EML1: variants seen among roughly 807,000 people sequenced by gnomAD.
EML1 encodes the protein echinoderm microtubule-associated protein-like 1.
Under a neutral mutation model 110.4 loss-of-function variants are expected in EML1, and 27 were observed. The observed-to-expected ratio is 0.24, with a 90% confidence interval of 0.18 to 0.34. The LOEUF is 0.34. Among genes scored for constraint, EML1 ranks in the 10% least tolerant of loss-of-function variants. EML1 has a pLI of 1.00. For synonymous variants in EML1, 344 were observed against 385.8 expected, an observed-to-expected ratio of 0.89 and a Z score of 1.27; for missense variants, 741 against 1,030.9, an observed-to-expected ratio of 0.72 and a Z score of 3.85.
At chr14:99,907,551 A>G (rs1566930805) in intron 9 of EML1, 87 bp from the exon 10 acceptor site, 2 of 1,199,526 alleles carry the variant, frequency 1.7e-6, no homozygotes, top group Non-Finnish European at 1.2e-6. Flanking sequence ...ACTCTTTATT[A>G]AAAATGAAAT....
At position 99,827,486 on chromosome 14, in the gene EML1, A is replaced by T. The variant is rs2058380126; in HGVS notation, c.68-23367A>T. ...TATAAATACCCTCTGTTATGGGCTT[A>T]CTTGTGTTACCCCAAATTCATGTGT... On this transcript the variant is annotated intron_variant, in intron 1 of 21. Coordinates refer to ENST00000262233, the MANE Select transcript of EML1 (RefSeq NM_004434.3). The surrounding 1 kb of genome is among the most constrained non-coding windows in gnomAD (Gnocchi z 4.4). 6.6e-6 allele frequency among the ~76,000 whole-genome samples: 1 copy of T among 152,174 alleles called. No individual in the cohort carries two copies. The highest frequency in any genetic ancestry group is 6.5e-5 in the Admixed American group (1 of 15,286).
intron 1 of EML1, among the ~76,000 whole-genome samples, chr14:99,828,898 C>T (rs1031665887): frequency 2.8e-4 from 43 of 152,128 alleles, no homozygotes; most frequent in African/African-American, 1.0e-3. Flanking sequence ...TCATCCTCGT[C>T]GTCTTCACGT....
chr14:99,751,466 G>A (rs970378632), intron 1 of EML1, among the ~76,000 whole-genome samples: 13 of 152,160 alleles, frequency 8.5e-5, no homozygotes, highest in South Asian at 2.1e-4. Context: ...TATGATTCCC[G>A]TCCTTGGGGG....
chr14:99,887,421 T>G (rs907292361), intron 4 of EML1, among the ~76,000 whole-genome samples: 8 of 152,124 alleles, frequency 5.3e-5, no homozygotes, highest in African/African-American at 1.9e-4. Flanking sequence ...GTCATGGGCT[T>G]CAGGGGCAGG....
chr14:99,923,134 G>T (rs1179383883), intron 17 of EML1, among the ~76,000 whole-genome samples: 1 of 152,066 alleles, frequency 6.6e-6, no homozygotes, highest in African/African-American at 2.4e-5. Context: ...TAGAGACAGG[G>T]TTTCGCCATG....
intron 1 of EML1, among the ~76,000 whole-genome samples, chr14:99,850,488 A>T (rs1297697164): frequency 6.6e-6 from 1 of 152,160 alleles, no homozygotes; most frequent in African/African-American, 2.4e-5. Flanking sequence ...GACCATGCAG[A>T]CTGGGTTTCT....
intron 2 of EML1, among the ~76,000 whole-genome samples, chr14:99,859,435 G>A (rs756676285): frequency 6.6e-6 from 1 of 152,164 alleles, no homozygotes; most frequent in Non-Finnish European, 1.5e-5. Flanking sequence ...CTCAAATGTT[G>A]CTTTACAGAA....
intron 9 of EML1, among the ~76,000 whole-genome samples, chr14:99,904,753 A>G (rs1452678721): frequency 6.6e-6 from 1 of 152,210 alleles, no homozygotes; most frequent in Non-Finnish European, 1.5e-5. Context: ...CACACGAAAC[A>G]AGATAAGAGA....
chr14:99,891,256 A>G, intron 5 of EML1, 29 bp downstream of exon 5: 2 of 1,613,464 alleles, frequency 1.2e-6, no homozygotes, highest in Non-Finnish European at 1.7e-6. Flanking sequence ...ATGTATGGGA[A>G]CCCCTCACTC....
At chr14:99,774,245 G>C (rs2057457792) in intron 1 of EML1, among the ~76,000 whole-genome samples, 2 of 152,100 alleles carry the variant, frequency 1.3e-5, no homozygotes, top group African/African-American at 4.8e-5. Context: ...AGGCATGGGG[G>C]GACTTTCCCA....
At chr14:99,739,115 AGAGAGTGTGTGTGT>A (rs769094635) in intron 1 of EML1, among the ~76,000 whole-genome samples, 6,816 of 85,694 alleles carry the variant, frequency 0.08, 219 homozygotes, top group South Asian at 0.15. Flanking sequence ...AGAGAGAGAG[AGAGAGTGTGTGTGT>A]GTGTGTGTGT....
chr14:99,750,521 C>T (rs536633702), intron 1 of EML1, among the ~76,000 whole-genome samples: 3 of 152,182 alleles, frequency 2.0e-5, no homozygotes, highest in Non-Finnish European at 2.9e-5. Flanking sequence ...AGTCAGATAA[C>T]CTCTCTGGGC....
intron 4 of EML1, among the ~76,000 whole-genome samples, chr14:99,886,887 G>A (rs1238529890): frequency 6.6e-6 from 1 of 152,228 alleles, no homozygotes; most frequent in Non-Finnish European, 1.5e-5. Flanking sequence ...CAGCAAATAG[G>A]AGCTTTATCA....
chr14:99,756,172 C>T (rs563263753), intron 1 of EML1, among the ~76,000 whole-genome samples: 17 of 152,294 alleles, frequency 1.1e-4, no homozygotes, highest in African/African-American at 3.1e-4. Context: ...AGTGCTGGGC[C>T]CCAGAGAAGG....
intron 3 of EML1, among the ~76,000 whole-genome samples, chr14:99,877,710 C>T (rs1265979442): frequency 2.0e-5 from 3 of 152,204 alleles, no homozygotes; most frequent in Non-Finnish European, 1.5e-5. Context: ...ATTTGTCCCA[C>T]GCCTGCCTTT....
At position 99,890,141 on chromosome 14, in the gene EML1, A is replaced by G. The variant is rs148444302; in HGVS notation, c.519-1058A>G. On this transcript the variant is annotated intron_variant, in intron 4 of 21. Transcript: ENST00000262233. ...TCAAGTTTTTGTTTTAAATACACAC[A>G]CACACAAAATGCATATGTAATCCTA... Among the ~76,000 whole-genome samples the G allele has an allele frequency of 1.4e-3, 209 of 152,316 alleles. 1 individual carries two copies. Among genetic ancestry groups the G allele is most frequent in the African/African-American group, 4.9e-3 (204 of 41,574 alleles).
intron 4 of EML1, chr14:99,885,923 A>G (rs1302564458): frequency 4.4e-6 from 2 of 455,140 alleles, no homozygotes; most frequent in Middle Eastern, 3.3e-4. Flanking sequence ...AAGCCCTAGA[A>G]CACGGATCCA....
intron 9 of EML1, among the ~76,000 whole-genome samples, chr14:99,903,019 T>C (rs1318963927): frequency 6.6e-6 from 1 of 152,272 alleles, no homozygotes; most frequent in Non-Finnish European, 1.5e-5. Flanking sequence ...TTTACAATTA[T>C]GCAATTAACT....
Position 99,850,201 on chromosome 14 carries a change from A to AGTGTTCTCT in EML1, c.68-641_68-633dup, listed in dbSNP as rs376353585. ...CAGTCTGCCTACCTCAGCCTCCCAA[A>AGTGTTCTCT]GTGTTCTCTGTGTTCTCTGGTTGGA... On this transcript the variant is annotated intron_variant, in intron 1 of 21. Coordinates refer to ENST00000262233, the MANE Select transcript of EML1 (RefSeq NM_004434.3). 3.8e-4 allele frequency: 385 copies of AGTGTTCTCT among 1,018,238 alleles called. No individual in the cohort carries two copies. In the African/African-American group the frequency reaches 4.9e-3, roughly 13 times the overall value. 63.1% of individuals were successfully genotyped at this position (1,018,238 alleles called of 1,614,324 possible). A position where few individuals can be genotyped will look rare whatever the true frequency, so the allele number is the denominator to read the frequency against.
Sources: allele counts gnomAD v4.1 joint callset (sites outside exome capture counted in the v4.1 genomes callset), GRCh38; gene constraint gnomAD v4.1.1; non-coding constraint Gnocchi (gnomAD v3.1); transcripts MANE v1.5; gene names NCBI Gene and HGNC (gene_info 2026-07-23, HGNC 2026-07-21).